STIM1: variants seen among roughly 807,000 people sequenced by gnomAD.
STIM1 encodes stromal interaction molecule 1.
STIM1 carries 25 observed loss-of-function variants against 74.7 expected under a neutral mutation model. The observed-to-expected ratio is 0.33, with a 90% CI of 0.24 to 0.47. The LOEUF (loss-of-function observed/expected upper bound fraction) is 0.47, where lower values mean the gene tolerates loss of function less well. Ranked by LOEUF, STIM1 falls within the 20% of genes least tolerant of loss-of-function variation. STIM1 has a pLI of 1.00. For synonymous variants in STIM1, 328 were observed against 348.8 expected (o/e 0.94, Z 0.66); for missense variants, 728 against 920.8 (o/e 0.79, Z 2.71).
intron 1 of STIM1, among the ~76,000 whole-genome samples, chr11:3,910,137 A>G (rs529614333): frequency 3.9e-5 from 6 of 152,192 alleles, no homozygotes; most frequent in Non-Finnish European, 8.8e-5. Context: ...CAGATTATAG[A>G]GAGCCTTGTC....
intron 1 of STIM1, among the ~76,000 whole-genome samples, chr11:3,926,353 T>C (rs189186946): frequency 6.6e-6 from 1 of 152,208 alleles, no homozygotes; most frequent in Non-Finnish European, 1.5e-5. Flanking sequence ...GAGGGCACCA[T>C]TGTTAGTCAG....
At chr11:3,867,401 C>T (rs1249796731) in intron 1 of STIM1, 2 of 152,228 alleles carry the variant, frequency 1.3e-5, no homozygotes, top group Non-Finnish European at 2.9e-5. Context: ...CTTGGGTCTT[C>T]CTGCTCCCTG....
intron 2 of STIM1, among the ~76,000 whole-genome samples, chr11:3,984,133 T>A (rs1170917897): frequency 6.6e-6 from 1 of 152,208 alleles, no homozygotes; most frequent in Non-Finnish European, 1.5e-5. Context: ...CCTAAAGTAC[T>A]GGGACTACAG....
chr11:3,965,311 A>G (rs2093329152), intron 1 of STIM1, among the ~76,000 whole-genome samples: 1 of 152,242 alleles, frequency 6.6e-6, no homozygotes, highest in South Asian at 2.1e-4. Flanking sequence ...CTGATACTTA[A>G]TTATGATCCT....
chr11:3,948,910 A>T (rs561954130), intron 1 of STIM1, among the ~76,000 whole-genome samples: 37 of 152,226 alleles, frequency 2.4e-4, no homozygotes, highest in Non-Finnish European at 4.7e-4. Context: ...CTGCTTAGAT[A>T]TTTCAGTGTA....
At chr11:4,088,434 T>G in intron 12 of STIM1, 1 of 403,676 alleles carries the variant, frequency 2.5e-6, no homozygotes, top group South Asian at 2.4e-5. Flanking sequence ...TCCTTTCTCT[T>G]GCACAAAGGG....
At chr11:3,858,169 A>G (rs986597330) in intron 1 of STIM1, among the ~76,000 whole-genome samples, 3 of 151,956 alleles carry the variant, frequency 2.0e-5, no homozygotes, top group Admixed American at 1.3e-4. Context: ...TGGGTGTTCT[A>G]TATTTTAGAC....
At chr11:4,030,678 A>G (rs1273249572) in intron 3 of STIM1, among the ~76,000 whole-genome samples, 2 of 152,238 alleles carry the variant, frequency 1.3e-5, no homozygotes, top group Non-Finnish European at 1.5e-5. Flanking sequence ...GTATACTGAT[A>G]ATAAAAACAA....
intron 10 of STIM1, 184 bp downstream of exon 10, chr11:4,083,682 TCTTTC>T (rs1268952078): frequency 1.5e-6 from 1 of 649,590 alleles, no homozygotes; most frequent in African/African-American, 1.8e-5. Context: ...CTTTTGGTGT[TCTTTC>T]CTTGTTGTAT....
chr11:3,883,578 C>T (rs1176038455), intron 1 of STIM1, among the ~76,000 whole-genome samples: 20 of 152,304 alleles, frequency 1.3e-4, no homozygotes, highest in Non-Finnish European at 2.8e-4. Flanking sequence ...GTCTCGAACT[C>T]CTGACCTCAG....
At chr11:3,893,650 C>A (rs1399086868) in intron 1 of STIM1, among the ~76,000 whole-genome samples, 1 of 140,428 alleles carries the variant, frequency 7.1e-6, no homozygotes, top group East Asian at 2.1e-4. Context: ...TCTGGGTCAA[C>A]ATTTTTTTTT....
chr11:4,033,807 G>A lies in STIM1; in HGVS notation c.385+9820G>A, dbSNP rs574216685. 4.7e-4 allele frequency among the ~76,000 whole-genome samples: 71 copies of A among 151,622 alleles called. 1 individual carries two copies. Among genetic ancestry groups the A allele is most frequent in the Non-Finnish European group, 9.0e-4 (61 of 67,842 alleles). On this transcript the variant is annotated intron_variant, in intron 3 of 12. Coordinates refer to ENST00000526596, the MANE Select transcript of STIM1 (RefSeq NM_001382567.1). ...GTAGAGACGGGGTTTCACCGTGTTA[G>A]CCAGGATGGTCTCGATCTCCTGACC...
At chr11:3,977,726 CT>C (rs1297853179) in intron 2 of STIM1, among the ~76,000 whole-genome samples, 8 of 152,218 alleles carry the variant, frequency 5.3e-5, no homozygotes, top group African/African-American at 1.9e-4. Context: ...GGCTATACAA[CT>C]TTAGGCAAAT....
chr11:4,000,990 C>T (rs930879012), intron 2 of STIM1, among the ~76,000 whole-genome samples: 19 of 151,834 alleles, frequency 1.3e-4, no homozygotes, highest in African/African-American at 4.1e-4. Flanking sequence ...GTATCAGTGA[C>T]GGAAGATGAA....
At chr11:4,031,813 C>A (rs1473638802) in intron 3 of STIM1, among the ~76,000 whole-genome samples, 1 of 152,196 alleles carries the variant, frequency 6.6e-6, no homozygotes, top group Non-Finnish European at 1.5e-5. Context: ...TTCTCCAGAT[C>A]TGTGGCTTGT....
chr11:3,928,415 C>T (rs2092815221), intron 1 of STIM1, among the ~76,000 whole-genome samples: 3 of 152,042 alleles, frequency 2.0e-5, no homozygotes, highest in East Asian at 1.9e-4. Context: ...TTAGTGGAGA[C>T]GAAGTTTCAC....
Position 4,022,910 on chromosome 11 carries a change from G to A in STIM1, c.271-963G>A, listed in dbSNP as rs556745360. Among the ~76,000 whole-genome samples the A allele has an allele frequency of 3.3e-5, 5 of 152,304 alleles. No individual in the cohort carries two copies. The South Asian group carries it at 8.3e-4, about 25-fold the overall frequency. ...TTTTTCTAACCTAGACTTGGGTGTCGTGCAACATCACTGTTGCCACATTCT... is the reference window on the plus strand; with the variant it reads ...TTTTTCTAACCTAGACTTGGGTGTCATGCAACATCACTGTTGCCACATTCT... On this transcript the variant is annotated intron_variant, in intron 2 of 12. Transcript: ENST00000526596.
At chr11:4,011,779 T>C (rs1338209607) in intron 2 of STIM1, among the ~76,000 whole-genome samples, 2 of 152,242 alleles carry the variant, frequency 1.3e-5, no homozygotes, top group African/African-American at 2.4e-5. Context: ...TTTGGTGCTT[T>C]AGTCATGAAG....
At chr11:4,052,861 G>C (rs1456733655) in intron 3 of STIM1, among the ~76,000 whole-genome samples, 1 of 152,144 alleles carries the variant, frequency 6.6e-6, no homozygotes, top group African/African-American at 2.4e-5. Flanking sequence ...CTAATATCCA[G>C]AATCTACAAA....
Sources: allele counts gnomAD v4.1 joint callset (sites outside exome capture counted in the v4.1 genomes callset), GRCh38; gene constraint gnomAD v4.1.1; transcripts MANE v1.5; gene names NCBI Gene and HGNC (gene_info 2026-07-23, HGNC 2026-07-21).